Variants in LRP1B observed in about 807,000 individuals in gnomAD.
LRP1B encodes the protein LDL receptor related protein 1B.
A neutral mutation model predicts 556.6 loss-of-function variants in LRP1B; 217 were observed. The observed-to-expected ratio is 0.39, with a 90% CI of 0.35 to 0.44. The LOEUF (loss-of-function observed/expected upper bound fraction) is 0.44. Among genes scored for constraint, LRP1B ranks in the 20% least tolerant of loss-of-function variants. The pLI is 1.00. For missense variants in LRP1B, 5,053 were observed against 5,620.8 expected, an observed-to-expected ratio of 0.90 and a Z score of 3.23; for synonymous variants, 2,047 against 1,865.8, an observed-to-expected ratio of 1.10 and a Z score of -2.50.
chr2:141,547,640 C>T (rs916253991), intron 2 of LRP1B, among the ~76,000 whole-genome samples: 5 of 152,156 alleles, frequency 3.3e-5, no homozygotes, highest in Non-Finnish European at 5.9e-5. Context: ...TAGACTCTTA[C>T]GTCTCTGTGC....
At chr2:140,647,151 A>G (rs1684513856) in intron 41 of LRP1B, among the ~76,000 whole-genome samples, 1 of 152,156 alleles carries the variant, frequency 6.6e-6, no homozygotes, top group Non-Finnish European at 1.5e-5. Flanking sequence ...ATATTCATCA[A>G]CAGTGTGCAA....
At chr2:141,367,471 C>CTTT (rs1169568111) in intron 3 of LRP1B, among the ~76,000 whole-genome samples, 7 of 44,924 alleles carry the variant, frequency 1.6e-4, no homozygotes, top group South Asian at 1.1e-3. Flanking sequence ...ATTTGAAATG[C>CTTT]TTTTTTTTTT....
At chr2:141,862,461 T>C (rs1030586275) in intron 1 of LRP1B, among the ~76,000 whole-genome samples, 1 of 152,084 alleles carries the variant, frequency 6.6e-6, no homozygotes, top group African/African-American at 2.4e-5. Flanking sequence ...AGCTGGAGTA[T>C]AATGTTGTAC....
intron 7 of LRP1B, among the ~76,000 whole-genome samples, chr2:141,071,349 C>G (rs1453953545): frequency 2.0e-5 from 3 of 151,264 alleles, no homozygotes; most frequent in African/African-American, 7.3e-5. Context: ...ATTGATGGGA[C>G]GTATCTCAAA....
At chr2:140,286,876 A>G (rs1303999337) in intron 84 of LRP1B, among the ~76,000 whole-genome samples, 1 of 151,860 alleles carries the variant, frequency 6.6e-6, no homozygotes, top group Non-Finnish European at 1.5e-5. Context: ...TACAATTTAC[A>G]GAAGACTTTT....
Position 141,731,517 on chromosome 2 carries a change from A to G in LRP1B, c.205+78762T>C, listed in dbSNP as rs181980379. ...CCTTCATATTTTTCCGAGTCAGCGT[A>G]TAAAGCCACATATTTTTTTCCTAAA... On this transcript the variant is annotated intron_variant, in intron 2 of 90. Transcript: ENST00000389484. 6.6e-5 allele frequency among the ~76,000 whole-genome samples: 10 copies of G among 152,298 alleles called. No homozygotes were observed. The East Asian group carries it at 7.7e-4, about 12-fold the overall frequency.
chr2:140,840,949 G>T lies in LRP1B; in HGVS notation c.5083C>A (p.Pro1695Thr), dbSNP rs752526342. 6.2e-7 allele frequency: 1 copy of T among 1,612,992 alleles called. No individual in the cohort carries two copies. The highest frequency in any genetic ancestry group is 2.2e-5 in the East Asian group (1 of 44,814). ...KTSIIHGIDKPQCLAAHPVRG... is the reference protein window; with the variant it reads ...KTSIIHGIDKTQCLAAHPVRG... ...ACTGGGTGAGCTGCAAGACACTGTG[G>T]CTTATCGATTCCATGGATAATTGAG... The change falls in exon 30 of 91, where the codon CCA (proline) becomes ACA (threonine). Residue 1695 changes from proline to threonine, a missense_variant. Coordinates refer to ENST00000389484, the MANE Select transcript of LRP1B (RefSeq NM_018557.3).
At chr2:141,908,394 T>C (rs769354251) in intron 1 of LRP1B, among the ~76,000 whole-genome samples, 2 of 152,042 alleles carry the variant, frequency 1.3e-5, no homozygotes, top group Non-Finnish European at 1.5e-5. Context: ...TTCTGGACAT[T>C]GAGGACACAG....
intron 1 of LRP1B, among the ~76,000 whole-genome samples, chr2:141,981,075 G>A (rs886250311): frequency 2.6e-5 from 4 of 152,048 alleles, no homozygotes; most frequent in East Asian, 1.9e-4. Flanking sequence ...TAACAACTGC[G>A]TGACCTTAAG....
chr2:141,294,058 A>C (rs1686084241), intron 3 of LRP1B, among the ~76,000 whole-genome samples: 1 of 152,188 alleles, frequency 6.6e-6, no homozygotes, highest in South Asian at 2.1e-4. Context: ...AGGTATTCCA[A>C]AATTATGTTA....
intron 1 of LRP1B, among the ~76,000 whole-genome samples, chr2:141,962,215 ATCTT>A (rs1241251343): frequency 3.3e-5 from 5 of 151,726 alleles, no homozygotes; most frequent in African/African-American, 1.2e-4. Flanking sequence ...ATATTCATCT[ATCTT>A]CATTCATCAA....
chr2:142,032,045 C>T (rs765499774), intron 1 of LRP1B, among the ~76,000 whole-genome samples: 19 of 151,932 alleles, frequency 1.3e-4, no homozygotes, highest in East Asian at 7.8e-4. Flanking sequence ...GCCCTGCCAA[C>T]GCCTTGATCT....
chr2:142,027,679 C>T (rs1414573289), intron 1 of LRP1B, among the ~76,000 whole-genome samples: 2 of 142,878 alleles, frequency 1.4e-5, no homozygotes, highest in African/African-American at 5.2e-5. Flanking sequence ...TTAAAACACA[C>T]ACACACACAC....
chr2:140,572,512 G>T (rs1261682454), intron 43 of LRP1B, among the ~76,000 whole-genome samples: 1 of 151,292 alleles, frequency 6.6e-6, no homozygotes, highest in Non-Finnish European at 1.5e-5. Context: ...TGTGGAAAGG[G>T]GGACTCATAT....
rs533892054 is a variant in LRP1B, at chr2:141,667,514, T to C, written c.205+142765A>G. On this transcript the variant is annotated intron_variant, in intron 2 of 90. Transcript: ENST00000389484. ...GTCCTGTACTCCCCAAAGATACTCC[T>C]GGACCTTCAGAAGAAAGCACTCCAC... 6.6e-5 allele frequency among the ~76,000 whole-genome samples: 10 copies of C among 152,328 alleles called. No homozygotes were observed. In the South Asian group the frequency reaches 2.1e-3, roughly 32 times the overall value.
chr2:141,684,940 A>G (rs1489555781), intron 2 of LRP1B, among the ~76,000 whole-genome samples: 1 of 152,046 alleles, frequency 6.6e-6, no homozygotes, highest in African/African-American at 2.4e-5. Flanking sequence ...ATCTTTCAAG[A>G]AAAAGGGGAG....
rs1184497870 is a variant in LRP1B, at chr2:141,415,733, TC to T, written c.343+64662del. On this transcript the variant is annotated intron_variant, in intron 3 of 90. Transcript: ENST00000389484. ...AAATTTAATATGTATGCATTTCAGTTCTTTTTTTTTAAATATTACTTGTAAA... is the reference window on the plus strand; with the variant it reads ...AAATTTAATATGTATGCATTTCAGTTTTTTTTTTTAAATATTACTTGTAAA... Among the ~76,000 whole-genome samples, 3 of 130,980 alleles carry T rather than the reference TC, an allele frequency of 2.3e-5. No homozygotes were observed. The South Asian group carries it at 8.2e-4, about 36-fold the overall frequency. The allele number at this position is 130,980 out of a possible 152,430, so 85.9% of individuals were successfully genotyped here. A position where few individuals can be genotyped will look rare whatever the true frequency, so the allele number is the denominator to read the frequency against.
At chr2:141,174,613 T>C (rs558254745) in intron 7 of LRP1B, among the ~76,000 whole-genome samples, 1 of 152,236 alleles carries the variant, frequency 6.6e-6, no homozygotes, top group African/African-American at 2.4e-5. Context: ...TTCTGTTAAG[T>C]CGGAGGAACT....
At chr2:141,952,222 G>A (rs1049889204) in intron 1 of LRP1B, among the ~76,000 whole-genome samples, 3 of 151,854 alleles carry the variant, frequency 2.0e-5, no homozygotes, top group Admixed American at 1.3e-4. Context: ...TGGTGTATAT[G>A]TGCCACATTT....
Sources: allele counts gnomAD v4.1 joint callset (sites outside exome capture counted in the v4.1 genomes callset), GRCh38; gene constraint gnomAD v4.1.1; transcripts MANE v1.5; gene names NCBI Gene and HGNC (gene_info 2026-07-23, HGNC 2026-07-21).